The following PLEKHA8 variants were observed in gnomAD, a reference collection of about 807,000 sequenced individuals.
PLEKHA8 encodes the protein pleckstrin homology domain containing A8.
Under a neutral mutation model 68.2 loss-of-function variants are expected in PLEKHA8, and 36 were observed. The ratio of observed to expected loss-of-function variants is 0.53; its 90% CI spans 0.40 to 0.70. The LOEUF is 0.70. PLEKHA8 is among the 30% of genes least tolerant of loss of function. PLEKHA8 has a pLI of 0.00. For missense variants in PLEKHA8, 505 were observed against 615.4 expected (o/e 0.82, Z 1.90); for synonymous variants, 211 against 216.1 (o/e 0.98, Z 0.20).
downstream of PLEKHA8, among the ~76,000 whole-genome samples, chr7:30,087,160 C>T (rs1407389769): frequency 6.6e-5 from 10 of 152,158 alleles, no homozygotes; most frequent in African/African-American, 2.4e-4. Context: ...AAGTCAAATT[C>T]TGCTTCAGAG....
At chr7:30,054,959 T>C in intron 8 of PLEKHA8, 94 bp downstream of exon 8, 1 of 1,248,610 alleles carries the variant, frequency 8.0e-7, no homozygotes, top group Non-Finnish European at 1.1e-6. Context: ...TGGCATATTC[T>C]AGGAGAATAG....
chr7:30,074,569 A>G (rs1247138389), intron 13 of PLEKHA8, among the ~76,000 whole-genome samples: 1 of 152,174 alleles, frequency 6.6e-6, no homozygotes, highest in Non-Finnish European at 1.5e-5. Context: ...CAGTGATCCT[A>G]AATACTTATC....
intron 1 of PLEKHA8, among the ~76,000 whole-genome samples, chr7:30,037,178 A>C (rs1415269241): frequency 3.3e-5 from 5 of 152,254 alleles, no homozygotes; most frequent in African/African-American, 1.2e-4. Flanking sequence ...TATAGCATAC[A>C]TAATATATGA....
At chr7:30,068,612 T>C (rs945026038) in intron 12 of PLEKHA8, among the ~76,000 whole-genome samples, 7 of 152,220 alleles carry the variant, frequency 4.6e-5, no homozygotes, top group African/African-American at 1.7e-4. Context: ...TATTAATCTT[T>C]TTCAGTGATG....
At chr7:30,115,945 CAT>C (rs1232412999) in intron 13 of PLEKHA8, 1 of 121,940 alleles carries the variant, frequency 8.2e-6, no homozygotes, top group East Asian at 2.2e-4. Flanking sequence ...TACATGCACA[CAT>C]ACGCATACAT....
At chr7:30,128,091 ATTT>A (rs35173428) in intron 13 of PLEKHA8, among the ~76,000 whole-genome samples, 7 of 122,666 alleles carry the variant, frequency 5.7e-5, no homozygotes, top group Admixed American at 8.0e-5. Flanking sequence ...GTTTTACTGT[ATTT>A]TTTTTTTTTT....
intron 12 of PLEKHA8, among the ~76,000 whole-genome samples, chr7:30,089,831 G>A (rs1395410407): frequency 6.7e-6 from 1 of 149,946 alleles, no homozygotes; most frequent in African/African-American, 2.4e-5. Flanking sequence ...AGATAAAAAG[G>A]CAGATGACAG....
At chr7:30,129,642 C>G (rs1357709762), downstream of PLEKHA8, 1 of 280,288 alleles carries the variant, frequency 3.6e-6, no homozygotes, top group Non-Finnish European at 6.8e-6. Context: ...AGTCAAATTC[C>G]TCACATTTTT....
intron 13 of PLEKHA8, among the ~76,000 whole-genome samples, chr7:30,129,051 G>A (rs200429673): frequency 1.3e-5 from 2 of 152,148 alleles, no homozygotes; most frequent in East Asian, 3.8e-4. Flanking sequence ...GTTTCAACAC[G>A]AGGCTTGGAG....
chr7:30,050,983 TC>T (rs1792360947), intron 6 of PLEKHA8, among the ~76,000 whole-genome samples: 1 of 152,172 alleles, frequency 6.6e-6, no homozygotes, highest in Non-Finnish European at 1.5e-5. Context: ...TACTATAGCC[TC>T]AACATCGTGG....
chr7:30,069,436 A>G (rs192489018), intron 12 of PLEKHA8, among the ~76,000 whole-genome samples: 1 of 152,342 alleles, frequency 6.6e-6, no homozygotes, highest in Admixed American at 6.5e-5. Flanking sequence ...TTATAGGTTT[A>G]CAGTAGAAAA....
intron 13 of PLEKHA8, 47 bp from the exon 14 acceptor site, chr7:30,078,543 G>A: frequency 6.3e-7 from 1 of 1,593,784 alleles, no homozygotes; most frequent in African/African-American, 1.3e-5. Context: ...AAATAAGAGT[G>A]TGAGAGACAG....
rs75714651 is a variant in PLEKHA8, at chr7:30,052,640, C to CAAAAAA, written c.639-54_639-49dup. On this transcript the variant is annotated intron_variant, in intron 6 of 13. Transcript: ENST00000449726. ...GGGTGACAGAGTGGAGACCCTGTTT[C>CAAAAAA]AAAAAAAAAAAAAAAAAAAAGACCA... 1.2e-4 allele frequency: 131 copies of CAAAAAA among 1,066,896 alleles called. 1 individual carries two copies. In the African/African-American group the frequency reaches 2.2e-3, roughly 18 times the overall value. 66.1% of individuals were successfully genotyped at this position (1,066,896 alleles called of 1,614,324 possible).
At chr7:30,052,678 C>T in intron 6 of PLEKHA8, 31 bp from the exon 7 acceptor site, 1 of 1,414,592 alleles carries the variant, frequency 7.1e-7, no homozygotes, top group African/African-American at 1.5e-5. Context: ...TAACGACCTT[C>T]TGGCTTTTTT....
chr7:30,055,535 AATG>A (rs752762571), intron 9 of PLEKHA8, among the ~76,000 whole-genome samples, 193 bp downstream of exon 9: 31 of 152,368 alleles, frequency 2.0e-4, no homozygotes, highest in Admixed American at 1.2e-3. Context: ...CATTTCTAAT[AATG>A]ATTAAATATT....
At chr7:30,062,178 TTA>T in intron 11 of PLEKHA8, 151 bp downstream of exon 11, 1 of 907,526 alleles carries the variant, frequency 1.1e-6, no homozygotes, top group Middle Eastern at 2.4e-4. Flanking sequence ...TAATACCACC[TTA>T]TTTTTTTTTT....
intron 13 of PLEKHA8, among the ~76,000 whole-genome samples, chr7:30,105,904 A>G (rs914041754): frequency 6.6e-6 from 1 of 152,044 alleles, no homozygotes; most frequent in African/African-American, 2.4e-5. Context: ...TTGTGTTTTA[A>G]ATTTTAATTT....
intron 13 of PLEKHA8, among the ~76,000 whole-genome samples, chr7:30,118,754 T>G (rs1298288215): frequency 6.6e-6 from 1 of 152,100 alleles, no homozygotes; most frequent in Non-Finnish European, 1.5e-5. Flanking sequence ...ATTTTTTGTA[T>G]TTTTAGTAGA....
intron 2 of PLEKHA8, 129 bp from the exon 3 acceptor site, chr7:30,046,081 T>A: frequency 1.2e-6 from 1 of 814,160 alleles, no homozygotes; most frequent in Non-Finnish European, 1.8e-6. Flanking sequence ...GGAGAGGTAA[T>A]GACTGGCATC....
Sources: allele counts gnomAD v4.1 joint callset (sites outside exome capture counted in the v4.1 genomes callset), GRCh38; gene constraint gnomAD v4.1.1; transcripts MANE v1.5; gene names NCBI Gene and HGNC (gene_info 2026-07-23, HGNC 2026-07-21).